Variants in SLAIN1 observed in about 807,000 individuals in gnomAD.
SLAIN1 encodes the protein SLAIN motif-containing protein 1.
A neutral mutation model predicts 55.4 loss-of-function variants in SLAIN1; 17 were observed. The observed-to-expected ratio is 0.31, with a 90% CI of 0.21 to 0.46. The LOEUF (loss-of-function observed/expected upper bound fraction) is 0.46. Ranked by LOEUF, SLAIN1 falls within the 20% of genes least tolerant of loss-of-function variation. The pLI is 1.00. For missense variants in SLAIN1, 682 were observed against 785.1 expected, an observed-to-expected ratio of 0.87 and a Z score of 1.57; for synonymous variants, 348 against 337.4, an observed-to-expected ratio of 1.03 and a Z score of -0.35.
chr13:77,757,620 A>G (rs997563355), intron 5 of SLAIN1, among the ~76,000 whole-genome samples: 4 of 152,056 alleles, frequency 2.6e-5, no homozygotes, highest in Non-Finnish European at 4.4e-5. Context: ...AGAGTCCATT[A>G]TCTCATTCTT....
Position 77,763,231 on chromosome 13 carries a change from T to G in SLAIN1, c.*11T>G. ...GATGGTTGCTACTAATGCAGTTTTA[T>G]GTACCCTTGAAAAATGGGAAAGAAG... On this transcript the variant is annotated 3_prime_UTR_variant, in exon 7 of 7. Coordinates refer to ENST00000418532, the MANE Select transcript of SLAIN1 (RefSeq NM_001242868.2). 1 of 1,609,836 alleles carries G rather than the reference T, an allele frequency of 6.2e-7. No homozygotes were observed. The highest frequency in any genetic ancestry group is 2.2e-5 in the East Asian group (1 of 44,868).
chr13:77,759,308 T>C (rs2154411029), intron 5 of SLAIN1, among the ~76,000 whole-genome samples: 1 of 152,294 alleles, frequency 6.6e-6, no homozygotes, highest in African/African-American at 2.4e-5. Flanking sequence ...CTGAATCCAT[T>C]TATCAGATCT....
At position 77,698,443 on chromosome 13, in the gene SLAIN1, C is replaced by T. The variant is rs2154409048; in HGVS notation, c.530C>T (p.Ala177Val). 2.1e-6 allele frequency: 3 copies of T among 1,433,106 alleles called. No homozygotes were observed. The highest frequency in any genetic ancestry group is 5.4e-5 in the Admixed American group (2 of 37,272). 88.8% of individuals were successfully genotyped at this position (1,433,106 alleles called of 1,614,324 possible). Residue 177 changes from alanine (A) to valine (V), a missense_variant, in exon 1 of 7, where the codon GCA (alanine) becomes GTA (valine). Transcript: ENST00000418532. The surrounding 1 kb of genome is among the most constrained non-coding windows in gnomAD (Gnocchi z 4.1). ...GCGGGGACGCCGCCAGGGGCAGCTGCAGCGCCGCCCTCGCCGCCCCCCACG... is the reference window on the plus strand; with the variant it reads ...GCGGGGACGCCGCCAGGGGCAGCTGTAGCGCCGCCCTCGCCGCCCCCCACG... Reference protein sequence around the residue: ...GGAGTPPGAAAAPPSPPPTLL... With the variant: ...GGAGTPPGAAVAPPSPPPTLL...
intron 5 of SLAIN1, among the ~76,000 whole-genome samples, chr13:77,759,674 CT>C (rs1874863006): frequency 6.6e-6 from 1 of 152,030 alleles, no homozygotes; most frequent in South Asian, 2.1e-4. Flanking sequence ...TTATCAAATG[CT>C]TTTTTGTATC....
chr13:77,741,028 C>A, intron 2 of SLAIN1: 1 of 335,360 alleles, frequency 3.0e-6, no homozygotes, highest in Non-Finnish European at 4.2e-6. Context: ...TGGGATCTTG[C>A]TGTCATAGCC....
At chr13:77,711,896 C>G (rs1192855173) in intron 1 of SLAIN1, among the ~76,000 whole-genome samples, 1 of 152,212 alleles carries the variant, frequency 6.6e-6, no homozygotes, top group Non-Finnish European at 1.5e-5. Flanking sequence ...TCGGCTTCAT[C>G]CCCGGGATGC....
At chr13:77,712,096 A>T (rs985223822) in intron 1 of SLAIN1, among the ~76,000 whole-genome samples, 1 of 152,196 alleles carries the variant, frequency 6.6e-6, no homozygotes, top group Non-Finnish European at 1.5e-5. Context: ...TTTATGACAA[A>T]CCCACAGCCA....
chr13:77,719,808 A>G, intron 2 of SLAIN1, 137 bp downstream of exon 2: 1 of 860,868 alleles, frequency 1.2e-6, no homozygotes, highest in Non-Finnish European at 1.8e-6. Flanking sequence ...TTTGCTTCAC[A>G]TGTATTACAC....
intron 2 of SLAIN1, among the ~76,000 whole-genome samples, chr13:77,730,752 C>T (rs745362220): frequency 1.3e-5 from 2 of 152,046 alleles, no homozygotes; most frequent in Non-Finnish European, 2.9e-5. Flanking sequence ...TTGCTGTCAT[C>T]GGGTGTGTCC....
chr13:77,742,106 T>TGA (rs951982392), intron 2 of SLAIN1, among the ~76,000 whole-genome samples: 1 of 151,906 alleles, frequency 6.6e-6, no homozygotes, highest in Non-Finnish European at 1.5e-5. Context: ...TGTGTGTGTG[T>TGA]GACCCCAAGA....
At chr13:77,757,972 T>G (rs1874726209) in intron 5 of SLAIN1, among the ~76,000 whole-genome samples, 2 of 152,178 alleles carry the variant, frequency 1.3e-5, no homozygotes, top group South Asian at 4.1e-4. Flanking sequence ...CTGGATCAAA[T>G]GGTAATTCTA....
intron 5 of SLAIN1, among the ~76,000 whole-genome samples, chr13:77,754,922 G>A (rs1223908063): frequency 6.6e-6 from 1 of 152,144 alleles, no homozygotes; most frequent in Admixed American, 6.5e-5. Flanking sequence ...GTTAAGGCTT[G>A]ACCTATTAAA....
At chr13:77,729,286 T>G (rs1409610241) in intron 2 of SLAIN1, among the ~76,000 whole-genome samples, 2 of 152,338 alleles carry the variant, frequency 1.3e-5, no homozygotes, top group South Asian at 2.1e-4. Flanking sequence ...TGTTTTTTTT[T>G]CCTTTGGTTT....
chr13:77,743,104 CATT>C (rs1292514056), intron 2 of SLAIN1: 1 of 1,303,330 alleles, frequency 7.7e-7, no homozygotes, highest in East Asian at 5.6e-5. Context: ...ATAGCAATGG[CATT>C]AATACTCCCA....
intron 1 of SLAIN1, among the ~76,000 whole-genome samples, chr13:77,706,509 T>A (rs1005446344): frequency 8.5e-5 from 13 of 152,254 alleles, no homozygotes; most frequent in Non-Finnish European, 1.5e-4. Context: ...TCTGCTTTTT[T>A]AAAATTTATA....
At chr13:77,731,104 A>G (rs1872839509) in intron 2 of SLAIN1, among the ~76,000 whole-genome samples, 1 of 152,142 alleles carries the variant, frequency 6.6e-6, no homozygotes, top group Non-Finnish European at 1.5e-5. Context: ...GGAAATAATC[A>G]GTAAATAATA....
At chr13:77,711,691 TAGAA>T (rs2154409489) in intron 1 of SLAIN1, among the ~76,000 whole-genome samples, 1 of 152,116 alleles carries the variant, frequency 6.6e-6, no homozygotes, top group Admixed American at 6.5e-5. Context: ...TTCCAAACAA[TAGAA>T]AGAGAGGGGC....
At chr13:77,729,749 C>T (rs544630285) in intron 2 of SLAIN1, among the ~76,000 whole-genome samples, 10 of 152,240 alleles carry the variant, frequency 6.6e-5, no homozygotes, top group Non-Finnish European at 1.3e-4. Flanking sequence ...AAACAGATGA[C>T]AAGATAGCAG....
At chr13:77,751,821 G>A (rs764326256) in intron 4 of SLAIN1, among the ~76,000 whole-genome samples, 2 of 152,186 alleles carry the variant, frequency 1.3e-5, no homozygotes, top group Admixed American at 1.3e-4. Context: ...GAGTGGAATC[G>A]AGTACTTGAA....
Sources: allele counts gnomAD v4.1 joint callset (sites outside exome capture counted in the v4.1 genomes callset), GRCh38; gene constraint gnomAD v4.1.1; non-coding constraint Gnocchi (gnomAD v3.1); transcripts MANE v1.5; gene names NCBI Gene and HGNC (gene_info 2026-07-23, HGNC 2026-07-21).